Variants in LHFPL6 observed in about 807,000 individuals in gnomAD.
LHFPL6 encodes LHFPL tetraspan subfamily member 6 protein.
LHFPL6 carries 9 observed loss-of-function variants against 20.6 expected under a neutral mutation model. That is an observed-to-expected ratio of 0.44 (90% confidence interval 0.26 to 0.76). The LOEUF (loss-of-function observed/expected upper bound fraction) is 0.76. LHFPL6 is among the 30% of genes least tolerant of loss of function. The pLI, the probability that LHFPL6 is intolerant of heterozygous loss-of-function variation, is 0.20. For missense variants in LHFPL6, 218 were observed against 253.5 expected, an observed-to-expected ratio of 0.86 and a Z score of 0.95; for synonymous variants, 105 against 98.7, an observed-to-expected ratio of 1.06 and a Z score of -0.38.
chr13:39,357,840 C>T (rs943295295), intron 3 of LHFPL6, among the ~76,000 whole-genome samples: 1 of 152,086 alleles, frequency 6.6e-6, no homozygotes, highest in Non-Finnish European at 1.5e-5. Context: ...TGAAAGAAAT[C>T]ATCGATGACA....
chr13:39,537,773 C>A (rs1216672823), intron 2 of LHFPL6, among the ~76,000 whole-genome samples: 5 of 152,028 alleles, frequency 3.3e-5, no homozygotes, highest in Admixed American at 3.3e-4. Flanking sequence ...AGGCCTACCC[C>A]CATTCTGCTA....
chr13:39,439,125 GC>G (rs1872045989), intron 2 of LHFPL6, among the ~76,000 whole-genome samples: 1 of 152,190 alleles, frequency 6.6e-6, no homozygotes, highest in African/African-American at 2.4e-5. Flanking sequence ...AGCCAAGGGG[GC>G]TGAACCCTGC....
rs997359556 is a variant in LHFPL6, at chr13:39,601,326, G to A, written c.-110C>T. ...CACAGATAATCCACAGTTCCGTAAT[G>A]CAGAATGGATCTTCAGTCTTACTGG... On this transcript the variant is annotated 5_prime_UTR_variant, in exon 2 of 4. Transcript: ENST00000379589. 3 of 1,095,430 alleles carry A rather than the reference G, an allele frequency of 2.7e-6. No individual in the cohort carries two copies. The highest frequency in any genetic ancestry group is 5.0e-5 in the East Asian group (2 of 40,122). 67.9% of individuals were successfully genotyped at this position (1,095,430 alleles called of 1,614,324 possible).
chr13:39,376,629 C>T (rs1870300722), intron 3 of LHFPL6, among the ~76,000 whole-genome samples: 1 of 152,012 alleles, frequency 6.6e-6, no homozygotes, highest in Non-Finnish European at 1.5e-5. Context: ...CCCTTTTTCT[C>T]AGAATCTAAC....
intron 2 of LHFPL6, among the ~76,000 whole-genome samples, chr13:39,428,546 C>A (rs1871704546): frequency 6.6e-6 from 1 of 152,072 alleles, no homozygotes; most frequent in South Asian, 2.1e-4. Context: ...GTGATATCAC[C>A]TTCCTCATTC....
chr13:39,456,334 C>T (rs1872568693), intron 2 of LHFPL6, among the ~76,000 whole-genome samples: 1 of 152,162 alleles, frequency 6.6e-6, no homozygotes, highest in African/African-American at 2.4e-5. Flanking sequence ...TTAGATAGCA[C>T]TTTACTCCCA....
At chr13:39,494,520 A>G (rs983380930) in intron 2 of LHFPL6, among the ~76,000 whole-genome samples, 6 of 152,158 alleles carry the variant, frequency 3.9e-5, no homozygotes, top group Non-Finnish European at 8.8e-5. Context: ...TCACTCCCAT[A>G]CAGCCCACCA....
At chr13:39,396,848 A>G (rs1403184853) in intron 2 of LHFPL6, among the ~76,000 whole-genome samples, 1 of 152,092 alleles carries the variant, frequency 6.6e-6, no homozygotes, top group Non-Finnish European at 1.5e-5. Context: ...ACACACATAC[A>G]TACACACACA....
chr13:39,400,540 T>C (rs1393682159), intron 2 of LHFPL6, among the ~76,000 whole-genome samples: 3 of 151,862 alleles, frequency 2.0e-5, no homozygotes, highest in African/African-American at 4.8e-5. Flanking sequence ...TCCCAGCACT[T>C]TGGGAGGCCG....
At chr13:39,488,770 A>G (rs758955486) in intron 2 of LHFPL6, among the ~76,000 whole-genome samples, 1 of 152,204 alleles carries the variant, frequency 6.6e-6, no homozygotes, top group Non-Finnish European at 1.5e-5. Flanking sequence ...TGGTCACCCA[A>G]TGAATGGTGC....
At chr13:39,558,654 C>G (rs1319815872) in intron 2 of LHFPL6, among the ~76,000 whole-genome samples, 1 of 152,090 alleles carries the variant, frequency 6.6e-6, no homozygotes, top group African/African-American at 2.4e-5. Context: ...AAGTTTTGGC[C>G]TAAGTTGTAT....
chr13:39,533,670 A>G (rs2138497159), intron 2 of LHFPL6, among the ~76,000 whole-genome samples: 1 of 152,336 alleles, frequency 6.6e-6, no homozygotes, highest in South Asian at 2.1e-4. Context: ...AGTCCATGCC[A>G]AGAACAGAGG....
chr13:39,455,627 G>A (rs1029218829), intron 2 of LHFPL6, among the ~76,000 whole-genome samples: 5 of 152,170 alleles, frequency 3.3e-5, no homozygotes, highest in Non-Finnish European at 5.9e-5. Flanking sequence ...GCCTTATGAG[G>A]ACAATAACCT....
At chr13:39,581,953 C>A (rs1044649709) in intron 2 of LHFPL6, among the ~76,000 whole-genome samples, 2 of 152,160 alleles carry the variant, frequency 1.3e-5, no homozygotes, top group Admixed American at 1.3e-4. Context: ...TATCTACCCA[C>A]GTGAAGGTTT....
chr13:39,433,559 G>C (rs564532080), intron 2 of LHFPL6, among the ~76,000 whole-genome samples: 21 of 152,306 alleles, frequency 1.4e-4, no homozygotes, highest in African/African-American at 5.1e-4. Context: ...ATGTACATCT[G>C]TTCAAAGTCA....
At chr13:39,414,589 T>G (rs989406566) in intron 2 of LHFPL6, among the ~76,000 whole-genome samples, 8 of 141,754 alleles carry the variant, frequency 5.6e-5, no homozygotes, top group African/African-American at 8.1e-5. Flanking sequence ...GGGTACTGTT[T>G]TCACTTCTTC....
At chr13:39,427,057 TAA>T (rs527894114) in intron 2 of LHFPL6, among the ~76,000 whole-genome samples, 57 of 139,418 alleles carry the variant, frequency 4.1e-4, no homozygotes, top group African/African-American at 1.1e-3. Context: ...TGCATCTTTG[TAA>T]AAAAAAAAAA....
chr13:39,542,552 C>T (rs1485781255), intron 2 of LHFPL6, among the ~76,000 whole-genome samples: 2 of 152,196 alleles, frequency 1.3e-5, no homozygotes, highest in African/African-American at 2.4e-5. Context: ...CCCAGACCAT[C>T]TAAGAAGGCT....
At chr13:39,442,209 T>C (rs1485070949) in intron 2 of LHFPL6, among the ~76,000 whole-genome samples, 5 of 152,118 alleles carry the variant, frequency 3.3e-5, no homozygotes, top group African/African-American at 9.7e-5. Flanking sequence ...AAAAAAAAAT[T>C]AGGTAGTTGA....
Sources: gnomAD v4.1 joint callset for allele counts (sites outside exome capture counted in the v4.1 genomes callset) on GRCh38, gnomAD v4.1.1 for gene constraint, MANE v1.5 for transcripts, NCBI Gene and HGNC (gene_info 2026-07-23, HGNC 2026-07-21) for gene names.